CNTNAP2: variants seen among roughly 807,000 people sequenced by gnomAD.
The protein encoded by CNTNAP2 is contactin associated protein 2.
CNTNAP2 carries 98 observed loss-of-function variants against 155.2 expected under a neutral mutation model. The observed-to-expected ratio is 0.63, with a 90% CI of 0.54 to 0.75. CNTNAP2 has a LOEUF of 0.75. CNTNAP2 is among the 30% of genes least tolerant of loss of function. The probability of loss-of-function intolerance (pLI) is 0.00; values close to 1 mark genes in which losing one functional copy is unlikely to be tolerated. For synonymous variants in CNTNAP2, 651 were observed against 631.2 expected (o/e 1.03, Z -0.47); for missense variants, 1,727 against 1,688.1 (o/e 1.02, Z -0.40).
intron 13 of CNTNAP2, among the ~76,000 whole-genome samples, chr7:147,642,863 C>A (rs1240799708): frequency 6.6e-6 from 1 of 152,112 alleles, no homozygotes; most frequent in Non-Finnish European, 1.5e-5. Flanking sequence ...TATATCAAAT[C>A]TTTGGTTCAC....
At chr7:147,285,436 C>T (rs1805155107) in intron 8 of CNTNAP2, among the ~76,000 whole-genome samples, 1 of 151,890 alleles carries the variant, frequency 6.6e-6, no homozygotes, top group African/African-American at 2.4e-5. Context: ...ATTAATCATA[C>T]ATACTATTTT....
intron 10 of CNTNAP2, among the ~76,000 whole-genome samples, chr7:147,412,055 G>A (rs1022239220): frequency 2.0e-5 from 3 of 152,158 alleles, no homozygotes; most frequent in African/African-American, 7.2e-5. Flanking sequence ...GTATTCAAGA[G>A]TGAAGATGAT....
chr7:146,830,315 A>G (rs1803486039), intron 2 of CNTNAP2, among the ~76,000 whole-genome samples: 1 of 152,030 alleles, frequency 6.6e-6, no homozygotes, highest in African/African-American at 2.4e-5. Context: ...TGTGGGGGAA[A>G]AGGACGGTGA....
At chr7:146,306,585 G>C (rs1688179502) in intron 1 of CNTNAP2, among the ~76,000 whole-genome samples, 1 of 152,086 alleles carries the variant, frequency 6.6e-6, no homozygotes, top group African/African-American at 2.4e-5. Context: ...TGCAAGGCTG[G>C]TTCAACATAC....
At chr7:146,365,043 T>C (rs1795135983) in intron 1 of CNTNAP2, among the ~76,000 whole-genome samples, 1 of 152,176 alleles carries the variant, frequency 6.6e-6, no homozygotes, top group Non-Finnish European at 1.5e-5. Context: ...AACTGTATGG[T>C]TTTTATTCAG....
chr7:146,173,342 T>C lies in CNTNAP2; in HGVS notation c.97+56369T>C, dbSNP rs571063471. Among the ~76,000 whole-genome samples, 5 of 152,294 alleles carry C rather than the reference T, an allele frequency of 3.3e-5. No individual in the cohort carries two copies. In the East Asian group the frequency reaches 7.7e-4, roughly 24 times the overall value. The stretch of plus-strand genomic sequence containing the variant: ...TATTATATGTATCTTGTTTTAATTT[T>C]CTCCAGGTGTTTTTAATAATTGAAT... On this transcript the variant is annotated intron_variant, in intron 1 of 23. Transcript: ENST00000361727.
At chr7:146,314,494 T>C (rs193214532) in intron 1 of CNTNAP2, among the ~76,000 whole-genome samples, 1 of 152,260 alleles carries the variant, frequency 6.6e-6, no homozygotes, top group Non-Finnish European at 1.5e-5. Flanking sequence ...CTCCAAGGAA[T>C]GAAGCTGAGA....
intron 1 of CNTNAP2, among the ~76,000 whole-genome samples, chr7:146,185,571 T>C (rs554042731): frequency 6.6e-6 from 1 of 152,328 alleles, no homozygotes; most frequent in Admixed American, 6.5e-5. Context: ...AAGGGAGCAG[T>C]GCTGTGGCTC....
intron 1 of CNTNAP2, among the ~76,000 whole-genome samples, chr7:146,447,630 C>A (rs1796420858): frequency 6.6e-6 from 1 of 151,922 alleles, no homozygotes; most frequent in South Asian, 2.1e-4. Flanking sequence ...AATTGAGAAG[C>A]TTTCATGCTT....
intron 1 of CNTNAP2, among the ~76,000 whole-genome samples, chr7:146,551,595 T>G (rs1453588009): frequency 2.0e-5 from 3 of 151,930 alleles, no homozygotes; most frequent in African/African-American, 7.3e-5. Flanking sequence ...CCCTAAAACT[T>G]AAAGTATAAT....
intron 21 of CNTNAP2, among the ~76,000 whole-genome samples, chr7:148,340,861 C>T (rs1321254730): frequency 6.6e-5 from 10 of 152,180 alleles, no homozygotes; most frequent in Admixed American, 6.5e-4. Context: ...ACCGCCTCTC[C>T]AGGCCCGTCT....
intron 1 of CNTNAP2, among the ~76,000 whole-genome samples, chr7:146,133,667 G>A (rs1355936935): frequency 6.6e-6 from 1 of 152,096 alleles, no homozygotes; most frequent in Admixed American, 6.6e-5. Flanking sequence ...TTATTAAATA[G>A]GGAATCCTTT....
At chr7:148,373,625 C>CA (rs1262125036) in intron 21 of CNTNAP2, among the ~76,000 whole-genome samples, 2 of 152,184 alleles carry the variant, frequency 1.3e-5, no homozygotes, top group Non-Finnish European at 2.9e-5. Flanking sequence ...CCTGACTGTA[C>CA]TACTCAAACA....
At chr7:146,524,167 G>C (rs1797655152) in intron 1 of CNTNAP2, among the ~76,000 whole-genome samples, 1 of 152,076 alleles carries the variant, frequency 6.6e-6, no homozygotes, top group Non-Finnish European at 1.5e-5. Flanking sequence ...TATGTCGATG[G>C]CCCATATGAG....
At chr7:147,949,750 T>G (rs1479312296) in intron 14 of CNTNAP2, among the ~76,000 whole-genome samples, 1 of 152,110 alleles carries the variant, frequency 6.6e-6, no homozygotes, top group East Asian at 1.9e-4. Flanking sequence ...CCTTGAAGGT[T>G]GACCCTGGGC....
chr7:146,682,431 T>G (rs62481375), intron 1 of CNTNAP2, among the ~76,000 whole-genome samples: 1,701 of 152,300 alleles, frequency 0.011, 9 homozygotes, highest in South Asian at 0.023. Context: ...ATCAGTGGCT[T>G]ATTACATAGG....
At chr7:146,727,833 T>G (rs566667833) in intron 1 of CNTNAP2, among the ~76,000 whole-genome samples, 33 of 152,314 alleles carry the variant, frequency 2.2e-4, no homozygotes, top group Middle Eastern at 3.4e-3. Flanking sequence ...ATGCTCATTG[T>G]AAACATTTCT....
At chr7:148,205,894 G>A (rs1795441157) in intron 18 of CNTNAP2, among the ~76,000 whole-genome samples, 1 of 152,140 alleles carries the variant, frequency 6.6e-6, no homozygotes, top group South Asian at 2.1e-4. Flanking sequence ...GAAGCCTGGT[G>A]CATGAATAAG....
intron 21 of CNTNAP2, among the ~76,000 whole-genome samples, chr7:148,334,329 T>C (rs755271574): frequency 4.6e-5 from 7 of 152,148 alleles, no homozygotes; most frequent in Non-Finnish European, 8.8e-5. Context: ...CTCTCGGGGC[T>C]GAAGGCAGCA....
Sources: allele counts gnomAD v4.1 joint callset (sites outside exome capture counted in the v4.1 genomes callset), GRCh38; gene constraint gnomAD v4.1.1; transcripts MANE v1.5; gene names NCBI Gene and HGNC (gene_info 2026-07-23, HGNC 2026-07-21).